Variants in TRIQK observed in about 807,000 individuals in gnomAD.
TRIQK encodes triple QxxK/R motif-containing protein.
In TRIQK, 10 loss-of-function variants were observed where a neutral mutation model predicts 10.8. The ratio of observed to expected loss-of-function variants is 0.92; its 90% confidence interval spans 0.57 to 1.57. TRIQK has a LOEUF of 1.57. TRIQK is among the 40% of genes most tolerant of loss of function. The pLI is 0.00. For synonymous variants in TRIQK, 33 were observed against 33.7 expected (o/e 0.98, Z 0.07); for missense variants, 107 against 97.7 (o/e 1.09, Z -0.40).
intron 1 of TRIQK, among the ~76,000 whole-genome samples, chr8:92,990,416 T>C (rs1367422566): frequency 6.6e-6 from 1 of 152,162 alleles, no homozygotes; most frequent in Non-Finnish European, 1.5e-5. Context: ...AACCTGTCTA[T>C]ATTACTGGTT....
intron 4 of TRIQK, among the ~76,000 whole-genome samples, chr8:92,887,925 A>C (rs1816569643): frequency 6.6e-6 from 1 of 151,678 alleles, no homozygotes; most frequent in Non-Finnish European, 1.5e-5. Flanking sequence ...CTCAAGTGTC[A>C]AAGATCTTTG....
chr8:92,961,278 G>A (rs1005182050), intron 1 of TRIQK, among the ~76,000 whole-genome samples: 2 of 152,012 alleles, frequency 1.3e-5, no homozygotes, highest in African/African-American at 2.4e-5. Flanking sequence ...TAAAGGGGAC[G>A]GTGTTGAGGG....
chr8:92,960,913 G>A (rs1009704237), intron 1 of TRIQK, among the ~76,000 whole-genome samples: 3 of 152,054 alleles, frequency 2.0e-5, no homozygotes, highest in Non-Finnish European at 2.9e-5. Flanking sequence ...AAACTGATAC[G>A]GCTCTCATAT....
chr8:92,897,319 T>G (rs1047984427), intron 3 of TRIQK, among the ~76,000 whole-genome samples: 1 of 152,194 alleles, frequency 6.6e-6, no homozygotes, highest in Admixed American at 6.5e-5. Context: ...TATTTTGCAT[T>G]GTAAGAAGGA....
At chr8:92,899,464 AT>A (rs1343152047) in intron 3 of TRIQK, among the ~76,000 whole-genome samples, 3 of 151,790 alleles carry the variant, frequency 2.0e-5, no homozygotes, top group Non-Finnish European at 4.4e-5. Context: ...AATTGTTTAA[AT>A]TTTTTTAGCT....
intron 2 of TRIQK, among the ~76,000 whole-genome samples, chr8:92,947,381 G>T (rs994264007): frequency 6.6e-6 from 1 of 151,228 alleles, no homozygotes; most frequent in Non-Finnish European, 1.5e-5. Flanking sequence ...TCGGGAGTTC[G>T]AGACCAACCT....
chr8:92,915,913 C>T (rs1173722359), intron 3 of TRIQK, among the ~76,000 whole-genome samples: 1 of 151,852 alleles, frequency 6.6e-6, no homozygotes, highest in Non-Finnish European at 1.5e-5. Flanking sequence ...CTTTTTGTGT[C>T]TTATTTATGA....
At chr8:92,904,485 GTAC>G (rs1366414549) in intron 3 of TRIQK, among the ~76,000 whole-genome samples, 1 of 152,110 alleles carries the variant, frequency 6.6e-6, no homozygotes, top group Non-Finnish European at 1.5e-5. Context: ...AACCAACTGA[GTAC>G]TACTGAAAAT....
chr8:92,893,927 A>C (rs1816884376), intron 3 of TRIQK, among the ~76,000 whole-genome samples: 1 of 152,044 alleles, frequency 6.6e-6, no homozygotes, highest in Non-Finnish European at 1.5e-5. Flanking sequence ...ACAGATATGA[A>C]ATATTTTGGA....
chr8:92,898,870 T>G (rs912305774), intron 3 of TRIQK, among the ~76,000 whole-genome samples: 13 of 131,650 alleles, frequency 9.9e-5, no homozygotes, highest in Admixed American at 2.3e-4. Context: ...TATATATATA[T>G]ATAGATGGGG....
chr8:92,952,831 G>T (rs1161341878), intron 2 of TRIQK, among the ~76,000 whole-genome samples: 2 of 151,926 alleles, frequency 1.3e-5, no homozygotes, highest in Admixed American at 1.3e-4. Context: ...AATTTGCTTT[G>T]ACCAATGAAA....
chr8:92,930,339 G>A lies in TRIQK; in HGVS notation c.-21-13329C>T, dbSNP rs577244003. Among the ~76,000 whole-genome samples the A allele has an allele frequency of 4.4e-4, 61 of 139,918 alleles. No homozygotes were observed. The South Asian group carries it at 4.7e-3, about 11-fold the overall frequency. 91.8% of individuals were successfully genotyped at this position (139,918 alleles called of 152,430 possible). On this transcript the variant is annotated intron_variant, in intron 2 of 4. Transcript: ENST00000521988. ...CGGGAGGTGGAGGTTGCAGTGAGCC[G>A]GAATTGAGCCACTGAGCTCCAGCCT...
chr8:92,894,328 T>G (rs1816906525), intron 3 of TRIQK, among the ~76,000 whole-genome samples: 1 of 152,120 alleles, frequency 6.6e-6, no homozygotes, highest in Admixed American at 6.6e-5. Context: ...ATCATTCCAT[T>G]GTACCCAAAG....
chr8:92,958,134 T>C (rs958373075), intron 1 of TRIQK, among the ~76,000 whole-genome samples: 1 of 151,978 alleles, frequency 6.6e-6, no homozygotes, highest in Non-Finnish European at 1.5e-5. Flanking sequence ...AGCAGGTTCA[T>C]ACTGCCTCAA....
intron 2 of TRIQK, among the ~76,000 whole-genome samples, chr8:92,948,335 C>G (rs1811662496): frequency 6.6e-6 from 1 of 152,140 alleles, no homozygotes; most frequent in Non-Finnish European, 1.5e-5. Flanking sequence ...AGGAAGGAGA[C>G]AGAGAAATTT....
chr8:92,970,529 T>C (rs1812864041), upstream of TRIQK, among the ~76,000 whole-genome samples: 1 of 152,228 alleles, frequency 6.6e-6, no homozygotes, highest in South Asian at 2.1e-4. Context: ...TTATAGGTTT[T>C]GTTTGCATTT....
intron 3 of TRIQK, among the ~76,000 whole-genome samples, chr8:92,903,529 G>A (rs1037301078): frequency 3.9e-5 from 6 of 152,014 alleles, no homozygotes; most frequent in Non-Finnish European, 5.9e-5. Context: ...TAGTTAGGAG[G>A]ATTATTATAC....
chr8:92,906,658 C>T (rs549800817), intron 3 of TRIQK, among the ~76,000 whole-genome samples: 12 of 150,928 alleles, frequency 8.0e-5, no homozygotes, highest in Non-Finnish European at 1.6e-4. Context: ...TCTTCCTCTT[C>T]CTTTATGCCA....
intron 1 of TRIQK, among the ~76,000 whole-genome samples, chr8:92,975,302 C>A (rs1003854717): frequency 5.3e-5 from 8 of 152,204 alleles, no homozygotes; most frequent in African/African-American, 1.9e-4. Flanking sequence ...GTGTAGAAAT[C>A]TCCGAGGAAG....
Sources: allele counts gnomAD v4.1 joint callset (sites outside exome capture counted in the v4.1 genomes callset), GRCh38; gene constraint gnomAD v4.1.1; transcripts MANE v1.5; gene names NCBI Gene and HGNC (gene_info 2026-07-23, HGNC 2026-07-21).